EXT2: variants seen among roughly 807,000 people sequenced by gnomAD.
EXT2 encodes the protein exostosin-2.
A neutral mutation model predicts 81.6 loss-of-function variants in EXT2; 53 were observed. The ratio of observed to expected loss-of-function variants is 0.65; its 90% CI spans 0.52 to 0.82. The LOEUF (loss-of-function observed/expected upper bound fraction) is 0.82. Among genes scored for constraint, EXT2 ranks in the 40% least tolerant of loss-of-function variants. The pLI, the probability that EXT2 is intolerant of heterozygous loss-of-function variation, is 0.00. For missense variants in EXT2, 774 were observed against 910.2 expected (o/e 0.85, Z 1.93); for synonymous variants, 320 against 340.0 (o/e 0.94, Z 0.65).
chr11:44,184,263 GA>G (rs1479296287), intron 8 of EXT2, among the ~76,000 whole-genome samples: 8 of 152,150 alleles, frequency 5.3e-5, no homozygotes, highest in Admixed American at 1.3e-4. Context: ...CTGTTCCAGG[GA>G]ATTTTATTTT....
intron 2 of EXT2, 29 bp downstream of exon 2, chr11:44,108,277 C>G (rs1175999565): frequency 4.4e-6 from 7 of 1,605,022 alleles, no homozygotes; most frequent in Non-Finnish European, 5.9e-6. Context: ...GCCCAGCCCC[C>G]AGGAGATACT....
At chr11:44,115,297 C>A (rs1208145325) in intron 4 of EXT2, among the ~76,000 whole-genome samples, 1 of 152,190 alleles carries the variant, frequency 6.6e-6, no homozygotes, top group African/African-American at 2.4e-5. Context: ...TCAAGTGACC[C>A]TCCTGCCTCA....
Position 44,115,088 on chromosome 11 carries a change from C to G in EXT2, c.743+787C>G, listed in dbSNP as rs78050533. ...CCTCTGCTTTATGCTCCCATAGCAG[C>G]CTGCACGTCTCTTAGAGTGATGCCC... On this transcript the variant is annotated intron_variant, in intron 4 of 13. Transcript: ENST00000533608. Among the ~76,000 whole-genome samples, 585 of 152,298 alleles carry G rather than the reference C, an allele frequency of 3.8e-3. 6 individuals carry two copies. Among genetic ancestry groups the G allele is most frequent in the African/African-American group, 0.013 (560 of 41,566 alleles).
intron 4 of EXT2, among the ~76,000 whole-genome samples, chr11:44,118,959 C>T (rs1954262191): frequency 6.7e-6 from 1 of 150,256 alleles, no homozygotes; most frequent in Non-Finnish European, 1.5e-5. Flanking sequence ...CTCTTTTTTT[C>T]CTCCTAAAGT....
intron 8 of EXT2, among the ~76,000 whole-genome samples, chr11:44,179,332 T>C (rs1955201927): frequency 6.6e-6 from 1 of 152,238 alleles, no homozygotes; most frequent in African/African-American, 2.4e-5. Flanking sequence ...TGAATGAATC[T>C]ACACACATTG....
chr11:44,152,376 A>G (rs895589111), intron 7 of EXT2, among the ~76,000 whole-genome samples: 10 of 152,064 alleles, frequency 6.6e-5, no homozygotes, highest in Admixed American at 5.9e-4. Flanking sequence ...TTTTTGAGAC[A>G]GTATCATTTC....
intron 13 of EXT2, among the ~76,000 whole-genome samples, chr11:44,239,363 G>A (rs1048468672): frequency 7.4e-5 from 11 of 149,366 alleles, no homozygotes; most frequent in African/African-American, 9.9e-5. Context: ...AATAAGATAT[G>A]TGATTTGGGG....
At chr11:44,212,875 A>G (rs912366190) in intron 10 of EXT2, among the ~76,000 whole-genome samples, 1 of 152,156 alleles carries the variant, frequency 6.6e-6, no homozygotes, top group African/African-American at 2.4e-5. Flanking sequence ...AGTAGAAAAA[A>G]CTACATTGCC....
intron 7 of EXT2, among the ~76,000 whole-genome samples, chr11:44,143,236 GCCAT>G (rs1186267387): frequency 1.3e-5 from 2 of 152,210 alleles, no homozygotes; most frequent in African/African-American, 4.8e-5. Flanking sequence ...ACAGGCATGA[GCCAT>G]CACACCTGGC....
chr11:44,202,585 A>T (rs1239129820), intron 9 of EXT2, among the ~76,000 whole-genome samples: 16 of 152,230 alleles, frequency 1.1e-4, no homozygotes, highest in Admixed American at 1.0e-3. Context: ...GTGATGTACC[A>T]GATCTCAACT....
At chr11:44,100,316 T>C (rs975710190) in intron 1 of EXT2, among the ~76,000 whole-genome samples, 1 of 152,172 alleles carries the variant, frequency 6.6e-6, no homozygotes, top group African/African-American at 2.4e-5. Context: ...TGAGATAGTA[T>C]TGTGAAAATG....
chr11:44,235,538 G>A (rs1042332650), intron 12 of EXT2, among the ~76,000 whole-genome samples: 1 of 151,916 alleles, frequency 6.6e-6, no homozygotes, highest in East Asian at 1.9e-4. Context: ...GAGCCACTGT[G>A]CCTGGCCCCA....
chr11:44,119,209 G>A (rs1456361541), intron 4 of EXT2, among the ~76,000 whole-genome samples: 1 of 140,192 alleles, frequency 7.1e-6, no homozygotes, highest in Non-Finnish European at 1.5e-5. Context: ...TGACTGTCAT[G>A]ACTGTGGGGA....
intron 10 of EXT2, among the ~76,000 whole-genome samples, chr11:44,230,893 G>A (rs1955890751): frequency 6.6e-6 from 1 of 152,190 alleles, no homozygotes; most frequent in African/African-American, 2.4e-5. Context: ...ATGGCATGAA[G>A]TGTCCTTTCT....
At chr11:44,223,227 C>T (rs1955801122) in intron 10 of EXT2, among the ~76,000 whole-genome samples, 1 of 152,182 alleles carries the variant, frequency 6.6e-6, no homozygotes, top group Non-Finnish European at 1.5e-5. Flanking sequence ...TTGGTAGTTT[C>T]TTATAAAATT....
At chr11:44,232,252 G>T in intron 10 of EXT2, 101 bp from the exon 11 acceptor site, 1 of 1,493,396 alleles carries the variant, frequency 6.7e-7, no homozygotes, top group Non-Finnish European at 9.3e-7. Flanking sequence ...GGTTATGATG[G>T]TTTGAACCTA....
At chr11:44,161,890 A>G (rs1488205883) in intron 7 of EXT2, among the ~76,000 whole-genome samples, 2 of 152,208 alleles carry the variant, frequency 1.3e-5, no homozygotes, top group Non-Finnish European at 2.9e-5. Context: ...GGATAAACCC[A>G]AATTGAGGGA....
At chr11:44,100,228 C>T (rs1953962149) in intron 1 of EXT2, among the ~76,000 whole-genome samples, 1 of 152,178 alleles carries the variant, frequency 6.6e-6, no homozygotes, top group African/African-American at 2.4e-5. Flanking sequence ...GCTACTTGCA[C>T]CCAAGTTGTT....
chr11:44,228,112 A>T (rs932498430), intron 10 of EXT2, among the ~76,000 whole-genome samples: 171 of 152,228 alleles, frequency 1.1e-3, no homozygotes, highest in African/African-American at 4.1e-3. Context: ...TAAGTCCCTA[A>T]CTTAGGCATA....
Sources: allele counts gnomAD v4.1 joint callset (sites outside exome capture counted in the v4.1 genomes callset), GRCh38; gene constraint gnomAD v4.1.1; transcripts MANE v1.5; gene names NCBI Gene and HGNC (gene_info 2026-07-23, HGNC 2026-07-21).